LUZP2: variants seen among roughly 807,000 people sequenced by gnomAD.
LUZP2 encodes the protein leucine zipper protein 2.
In LUZP2, 52 loss-of-function variants were observed where a neutral mutation model predicts 51.6. The ratio of observed to expected loss-of-function variants is 1.01; its 90% CI spans 0.81 to 1.27. The LOEUF is 1.27. LUZP2 is among the 50% of genes most tolerant of loss of function. LUZP2 has a pLI of 0.00. For missense variants in LUZP2, 436 were observed against 395.4 expected (o/e 1.10, Z -0.87); for synonymous variants, 154 against 137.3 (o/e 1.12, Z -0.85).
intron 1 of LUZP2, among the ~76,000 whole-genome samples, chr11:24,549,387 T>A (rs1412219639): frequency 6.6e-6 from 1 of 152,106 alleles, no homozygotes; most frequent in Non-Finnish European, 1.5e-5. Flanking sequence ...AATGCCTTCT[T>A]CTGGAATACC....
intron 9 of LUZP2, among the ~76,000 whole-genome samples, chr11:25,026,611 C>T (rs544687642): frequency 6.6e-6 from 1 of 151,798 alleles, no homozygotes; most frequent in Non-Finnish European, 1.5e-5. Context: ...TTTGTGTGGC[C>T]TCTATTATTT....
rs541317989 is a variant in LUZP2, at chr11:24,680,497, G to T, written c.63-48672G>T. Among the ~76,000 whole-genome samples the T allele has an allele frequency of 4.6e-5, 7 of 152,256 alleles. No homozygotes were observed. The East Asian group carries it at 1.4e-3, about 29-fold the overall frequency. ...TTAACCACTTCATTTCCTACAAGTG[G>T]AAAGAAATGATCAATGCACTGAAGG... On this transcript the variant is annotated intron_variant, in intron 1 of 11. Coordinates refer to ENST00000336930, the MANE Select transcript of LUZP2 (RefSeq NM_001009909.4).
At chr11:24,626,987 C>CAAGTCTG (rs77544342) in intron 1 of LUZP2, among the ~76,000 whole-genome samples, 4,321 of 152,196 alleles carry the variant, frequency 0.028, 86 homozygotes, top group Non-Finnish European at 0.048. Flanking sequence ...ATCGACAGGG[C>CAAGTCTG]AAGTCTGTAT....
chr11:24,543,675 G>A (rs1004028879), intron 1 of LUZP2, among the ~76,000 whole-genome samples: 1 of 151,846 alleles, frequency 6.6e-6, no homozygotes, highest in Admixed American at 6.6e-5. Context: ...ACAGAAATTA[G>A]CCAGGCATGG....
intron 9 of LUZP2, among the ~76,000 whole-genome samples, chr11:24,995,290 G>A (rs996897971): frequency 1.3e-5 from 2 of 152,122 alleles, no homozygotes; most frequent in African/African-American, 4.8e-5. Flanking sequence ...CTACTTGGGA[G>A]GCTGAGGGAG....
intron 1 of LUZP2, among the ~76,000 whole-genome samples, chr11:24,625,245 T>C (rs1590259268): frequency 6.6e-6 from 1 of 151,822 alleles, no homozygotes; most frequent in African/African-American, 2.4e-5. Flanking sequence ...ACAAAATGAA[T>C]AAATTCTGAA....
chr11:24,779,297 A>G (rs12278027), intron 5 of LUZP2, among the ~76,000 whole-genome samples: 3,899 of 152,268 alleles, frequency 0.026, 103 homozygotes, highest in African/African-American at 0.07. Context: ...TCTCCCTCAG[A>G]CATAAGAAAA....
intron 7 of LUZP2, among the ~76,000 whole-genome samples, chr11:24,969,654 G>A (rs910765270): frequency 1.3e-5 from 2 of 152,076 alleles, no homozygotes; most frequent in African/African-American, 4.8e-5. Context: ...TCTAGTTTCT[G>A]CATAAAGTCA....
At chr11:24,521,541 GC>G (rs926360992) in intron 1 of LUZP2, among the ~76,000 whole-genome samples, 2 of 152,012 alleles carry the variant, frequency 1.3e-5, no homozygotes, top group Non-Finnish European at 2.9e-5. Context: ...TTGGTTACAA[GC>G]TTTGTAGACT....
chr11:24,513,380 G>T (rs1850370586), intron 1 of LUZP2, among the ~76,000 whole-genome samples: 1 of 151,596 alleles, frequency 6.6e-6, no homozygotes, highest in Admixed American at 6.6e-5. Context: ...AGCAGTCGTT[G>T]GTAAGGTTTT....
chr11:24,659,470 A>T (rs1855939821), intron 1 of LUZP2, among the ~76,000 whole-genome samples: 1 of 152,248 alleles, frequency 6.6e-6, no homozygotes, highest in Admixed American at 6.5e-5. Context: ...ACCTAATGCT[A>T]AATGACGAGT....
intron 1 of LUZP2, among the ~76,000 whole-genome samples, chr11:24,694,636 G>T (rs894895896): frequency 6.6e-6 from 1 of 151,992 alleles, no homozygotes; most frequent in African/African-American, 2.4e-5. Flanking sequence ...GTTTATTGCA[G>T]CACTGTTCAC....
chr11:24,659,487 G>A (rs139041459), intron 1 of LUZP2, among the ~76,000 whole-genome samples: 210 of 152,012 alleles, frequency 1.4e-3, no homozygotes, highest in Non-Finnish European at 2.6e-3. Context: ...GAGTTAATGC[G>A]TGCAGCACAC....
At chr11:24,685,481 A>C (rs575485088) in intron 1 of LUZP2, among the ~76,000 whole-genome samples, 19 of 152,146 alleles carry the variant, frequency 1.2e-4, no homozygotes, top group Non-Finnish European at 2.4e-4. Context: ...TGCAGATACC[A>C]CATGTTCTTC....
At chr11:24,601,877 C>CATGTATATATGTATATAT (rs1378639696) in intron 1 of LUZP2, among the ~76,000 whole-genome samples, 2,692 of 50,294 alleles carry the variant, frequency 0.054, 191 homozygotes, top group African/African-American at 0.14. Context: ...TATATGTATA[C>CATGTATATATGTATATAT]ATGTATATAT....
intron 5 of LUZP2, among the ~76,000 whole-genome samples, chr11:24,784,227 T>G (rs1260000442): frequency 6.6e-6 from 1 of 152,034 alleles, no homozygotes; most frequent in African/African-American, 2.4e-5. Context: ...TTTATCTTGT[T>G]TTTATTCTAC....
intron 2 of LUZP2, among the ~76,000 whole-genome samples, chr11:24,731,085 C>G (rs1402981412): frequency 6.6e-6 from 1 of 151,564 alleles, no homozygotes; most frequent in Admixed American, 6.6e-5. Flanking sequence ...CCAATGATAA[C>G]CTCAGCCAGT....
intron 5 of LUZP2, among the ~76,000 whole-genome samples, chr11:24,823,037 G>A (rs1356533514): frequency 1.3e-5 from 2 of 152,058 alleles, no homozygotes; most frequent in East Asian, 1.9e-4. Flanking sequence ...TTATGGAGCT[G>A]GAAATACAAT....
At chr11:24,911,059 C>A (rs192159500) in intron 6 of LUZP2, among the ~76,000 whole-genome samples, 4 of 152,270 alleles carry the variant, frequency 2.6e-5, no homozygotes, top group African/African-American at 7.2e-5. Flanking sequence ...TTAATGACTG[C>A]GCTATTGGCT....
Sources: gnomAD v4.1 joint callset for allele counts (sites outside exome capture counted in the v4.1 genomes callset) on GRCh38, gnomAD v4.1.1 for gene constraint, MANE v1.5 for transcripts, NCBI Gene and HGNC (gene_info 2026-07-23, HGNC 2026-07-21) for gene names.